Variants in MYH10 observed in about 807,000 individuals in gnomAD.
The protein encoded by MYH10 is myosin-10.
In MYH10, 55 loss-of-function variants were observed where a neutral mutation model predicts 257.8. The observed-to-expected ratio is 0.21, with a 90% CI of 0.17 to 0.27. The LOEUF (loss-of-function observed/expected upper bound fraction) is 0.27. Among genes scored for constraint, MYH10 ranks in the 10% least tolerant of loss-of-function variants. MYH10 has a pLI of 1.00. For synonymous variants in MYH10, 854 were observed against 921.7 expected (o/e 0.93, Z 1.33); for missense variants, 1,631 against 2,500.6 (o/e 0.65, Z 7.42).
At chr17:8,570,253 T>A (rs2083291834) in intron 6 of MYH10, among the ~76,000 whole-genome samples, 1 of 152,220 alleles carries the variant, frequency 6.6e-6, no homozygotes, top group Admixed American at 6.5e-5. Flanking sequence ...TGTAGCACTT[T>A]CCAGTTTTCC....
chr17:8,481,261 C>G (rs931834260), intron 38 of MYH10, 61 bp downstream of exon 38: 2 of 1,523,872 alleles, frequency 1.3e-6, no homozygotes, highest in South Asian at 1.1e-5. Flanking sequence ...ACACCTCCAG[C>G]CTTCTCAGCA....
At chr17:8,558,239 TG>T (rs2082872327) in intron 7 of MYH10, among the ~76,000 whole-genome samples, 2 of 152,150 alleles carry the variant, frequency 1.3e-5, no homozygotes, top group African/African-American at 4.8e-5. Flanking sequence ...CATGAAGAGA[TG>T]CTGACCTAAT....
intron 4 of MYH10, among the ~76,000 whole-genome samples, chr17:8,584,583 G>A (rs976177568): frequency 6.6e-6 from 1 of 152,158 alleles, no homozygotes; most frequent in African/African-American, 2.4e-5. Context: ...AGTGTCTAGT[G>A]TATGGCATTT....
chr17:8,562,942 G>T (rs2083046135), intron 7 of MYH10, among the ~76,000 whole-genome samples: 1 of 152,152 alleles, frequency 6.6e-6, no homozygotes, highest in South Asian at 2.1e-4. Flanking sequence ...AATCTTTTCT[G>T]GGGTGATTAT....
At chr17:8,597,933 A>T (rs542814779) in intron 3 of MYH10, among the ~76,000 whole-genome samples, 2 of 152,182 alleles carry the variant, frequency 1.3e-5, no homozygotes, top group South Asian at 4.2e-4. Context: ...TGCATTGTTT[A>T]ATGGTCTAAC....
chr17:8,481,693 CCTT>C (rs1913847488), intron 37 of MYH10, among the ~76,000 whole-genome samples: 1 of 152,162 alleles, frequency 6.6e-6, no homozygotes, highest in Non-Finnish European at 1.5e-5. Flanking sequence ...ATGTTCCTGC[CCTT>C]CTTGGAAAGC....
At chr17:8,591,101 C>T (rs1051128000) in intron 3 of MYH10, among the ~76,000 whole-genome samples, 2 of 151,744 alleles carry the variant, frequency 1.3e-5, no homozygotes, top group Admixed American at 6.6e-5. Flanking sequence ...CTCGATCTCC[C>T]GACCTTGTGA....
chr17:8,550,501 C>T (rs1022700574), intron 9 of MYH10, among the ~76,000 whole-genome samples: 10 of 151,724 alleles, frequency 6.6e-5, no homozygotes, highest in African/African-American at 1.9e-4. Flanking sequence ...GCAGCCACCC[C>T]GTCCGGGAGG....
intron 14 of MYH10, 100 bp from the exon 15 acceptor site, chr17:8,536,031 T>C (rs1219305596): frequency 2.6e-6 from 3 of 1,160,684 alleles, no homozygotes; most frequent in Admixed American, 2.4e-5. Context: ...TTTATGAAGA[T>C]CCATGGAAAA....
intron 9 of MYH10, among the ~76,000 whole-genome samples, 159 bp downstream of exon 9, chr17:8,551,887 G>A (rs1379123426): frequency 6.6e-6 from 1 of 151,946 alleles, no homozygotes; most frequent in African/African-American, 2.4e-5. Flanking sequence ...TTACCCCATG[G>A]CATGGAAGTT....
intron 26 of MYH10, among the ~76,000 whole-genome samples, chr17:8,508,210 C>T (rs1463293520): frequency 6.6e-6 from 1 of 152,088 alleles, no homozygotes; most frequent in Non-Finnish European, 1.5e-5. Context: ...CGCAAGCAAT[C>T]CTTCTGCCTC....
At chr17:8,615,729 A>ATTTTTAT (rs2085235347) in intron 2 of MYH10, among the ~76,000 whole-genome samples, 5 of 152,250 alleles carry the variant, frequency 3.3e-5, no homozygotes, top group Non-Finnish European at 5.9e-5. Context: ...TGATAAATTA[A>ATTTTTAT]CATTCATTAA....
intron 4 of MYH10, among the ~76,000 whole-genome samples, chr17:8,579,866 T>G (rs922792444): frequency 6.6e-6 from 1 of 152,242 alleles, no homozygotes; most frequent in African/African-American, 2.4e-5. Flanking sequence ...AAAAATTTTA[T>G]GATTTCAGGT....
At chr17:8,572,218 CTTTTCCT>C (rs2083367815) in intron 6 of MYH10, among the ~76,000 whole-genome samples, 2 of 145,136 alleles carry the variant, frequency 1.4e-5, no homozygotes, top group Admixed American at 7.1e-5. Context: ...TGGTTCTTTT[CTTTTCCT>C]CTCTGTGTGT....
intron 2 of MYH10, among the ~76,000 whole-genome samples, chr17:8,618,899 T>C (rs2085363942): frequency 1.3e-5 from 2 of 152,352 alleles, no homozygotes; most frequent in South Asian, 4.1e-4. Flanking sequence ...AATTTTACCA[T>C]TGGCAACAAA....
At position 8,567,208 on chromosome 17, in the gene MYH10, C is replaced by T. The variant is rs62062491; in HGVS notation, c.756+2512G>A. On this transcript the variant is annotated intron_variant, in intron 7 of 42. Transcript: ENST00000360416. The stretch of plus-strand genomic sequence containing the variant: ...CAATGGGGATGATCCAGGAGAGTGA[C>T]GGAAAGTCTGAAGGAATGCAGTTTC... 5.9e-5 allele frequency among the ~76,000 whole-genome samples: 9 copies of T among 152,104 alleles called. No individual in the cohort carries two copies. In the South Asian group the frequency reaches 1.7e-3, roughly 28 times the overall value.
At chr17:8,518,447 T>C (rs2081544832) in intron 21 of MYH10, among the ~76,000 whole-genome samples, 184 bp downstream of exon 21, 1 of 152,148 alleles carries the variant, frequency 6.6e-6, no homozygotes, top group Non-Finnish European at 1.5e-5. Flanking sequence ...TTGTGTGTTT[T>C]TGTATTGCAA....
At chr17:8,591,073 C>T (rs916848636) in intron 3 of MYH10, among the ~76,000 whole-genome samples, 21 of 151,900 alleles carry the variant, frequency 1.4e-4, no homozygotes, top group Non-Finnish European at 1.9e-4. Flanking sequence ...GGGGTTTCAC[C>T]GTGTTAGCCA....
intron 16 of MYH10, among the ~76,000 whole-genome samples, chr17:8,533,513 C>G (rs1371275527): frequency 3.9e-5 from 6 of 152,194 alleles, no homozygotes; most frequent in Non-Finnish European, 7.3e-5. Context: ...TCATGCAAAC[C>G]TTCTTACCCG....
Sources: allele counts gnomAD v4.1 joint callset (sites outside exome capture counted in the v4.1 genomes callset), GRCh38; gene constraint gnomAD v4.1.1; transcripts MANE v1.5; gene names NCBI Gene and HGNC (gene_info 2026-07-23, HGNC 2026-07-21).